L3MBTL4: variants seen among roughly 807,000 people sequenced by gnomAD.
L3MBTL4 encodes the protein lethal(3)malignant brain tumor-like protein 4.
In L3MBTL4, 70 loss-of-function variants were observed where a neutral mutation model predicts 84.5. The ratio of observed to expected loss-of-function variants is 0.83; its 90% CI spans 0.68 to 1.01. The LOEUF (loss-of-function observed/expected upper bound fraction) is 1.01, where lower values mean the gene tolerates loss of function less well. Among genes scored for constraint, L3MBTL4 ranks in the 50% least tolerant of loss-of-function variants. The pLI is 0.00. For synonymous variants in L3MBTL4, 274 were observed against 259.8 expected (o/e 1.05, Z -0.52); for missense variants, 715 against 754.8 (o/e 0.95, Z 0.62).
At chr18:6,259,570 T>C (rs1265289883) in intron 5 of L3MBTL4, 1 of 152,218 alleles carries the variant, frequency 6.6e-6, no homozygotes, top group Non-Finnish European at 1.5e-5. Flanking sequence ...TACTTTTTCT[T>C]CTTTTTTCTT....
chr18:6,042,967 A>G (rs1362086771), intron 16 of L3MBTL4, among the ~76,000 whole-genome samples: 2 of 152,116 alleles, frequency 1.3e-5, no homozygotes, highest in African/African-American at 2.4e-5. Context: ...TTCTCCTGCT[A>G]TCTCCAAATC....
intron 13 of L3MBTL4, among the ~76,000 whole-genome samples, chr18:6,144,785 G>A (rs889152365): frequency 9.2e-5 from 14 of 152,316 alleles, no homozygotes; most frequent in Non-Finnish European, 1.5e-4. Context: ...GCGAAGATGA[G>A]ACTGGTGCTG....
chr18:5,961,494 C>G (rs542551890), intron 17 of L3MBTL4, among the ~76,000 whole-genome samples: 12 of 152,298 alleles, frequency 7.9e-5, no homozygotes, highest in African/African-American at 2.9e-4. Flanking sequence ...ATCAGCATGT[C>G]CATGTCTGCT....
intron 15 of L3MBTL4, among the ~76,000 whole-genome samples, chr18:6,081,763 C>T (rs1194633375): frequency 6.6e-6 from 1 of 152,094 alleles, no homozygotes; most frequent in Non-Finnish European, 1.5e-5. Flanking sequence ...TACCAAAATC[C>T]TACATAGAAA....
In L3MBTL4 at chr18:6,099,601, T is replaced by C. The variant is rs1286107827; in HGVS notation, c.1200-6073A>G. 6.8e-4 allele frequency among the ~76,000 whole-genome samples: 71 copies of C among 104,256 alleles called. 2 individuals carry two copies. Among genetic ancestry groups the C allele is most frequent in the African/African-American group, 2.4e-3 (67 of 27,980 alleles). 68.4% of individuals were successfully genotyped at this position (104,256 alleles called of 152,430 possible). On this transcript the variant is annotated intron_variant, in intron 14 of 18. Transcript: ENST00000317931. ...GATAATGTAAATATATATATATATA[T>C]ATATATGGAGAGAGAGAGAGGAGAT...
rs781460908 is a variant in L3MBTL4, at chr18:6,241,437, T to C, written c.473A>G (p.Asp158Gly). Residue 158 changes from aspartate to glycine, a missense_variant, in exon 8 of 19, where the codon GAT becomes GGT. Asp to Gly is a moderately conservative substitution (Grantham distance 94). Coordinates refer to ENST00000317931, the MANE Select transcript of L3MBTL4 (RefSeq NM_001330559.2). ...ELHIPKGYRKDKFVWMDYLKA... is the reference protein window; with the variant it reads ...ELHIPKGYRKGKFVWMDYLKA... The stretch of plus-strand genomic sequence containing the variant: ...CAAGTAATCCATCCAAACAAATTTA[T>C]CTTTTCTATAACCTAAAAAAAGCAC... 1 of 1,584,682 alleles carries C rather than the reference T, an allele frequency of 6.3e-7. No homozygotes were observed. Among genetic ancestry groups the C allele is most frequent in the Non-Finnish European group, 8.6e-7 (1 of 1,159,556 alleles).
chr18:6,213,141 ATATGTACCTTTAC>A lies in L3MBTL4; in HGVS notation c.976_981+7del, dbSNP rs2046182432. On this transcript the variant is annotated splice_donor_variant and splice_donor_5th_base_variant and coding_sequence_variant and intron_variant, in exon 12 of 19. Transcript: ENST00000317931. LOFTEE classifies it high-confidence loss of function. The stretch of plus-strand genomic sequence containing the variant: ...TGATATAATAACATAATAATTTAAA[ATATGTACCTTTAC>A]TCTTTGGTCATCAACATCTACAATC... 1 of 1,477,826 alleles carries A rather than the reference ATATGTACCTTTAC, an allele frequency of 6.8e-7. No homozygotes were observed. Among genetic ancestry groups the A allele is most frequent in the Non-Finnish European group, 9.3e-7 (1 of 1,079,992 alleles). 91.5% of individuals were successfully genotyped at this position (1,477,826 alleles called of 1,614,324 possible). A position where few individuals can be genotyped will look rare whatever the true frequency, so the allele number is the denominator to read the frequency against.
chr18:6,072,606 C>T (rs995785515), intron 16 of L3MBTL4, among the ~76,000 whole-genome samples: 12 of 150,608 alleles, frequency 8.0e-5, no homozygotes, highest in Admixed American at 6.0e-4. Context: ...TCTGGGAGGC[C>T]GAGGCGGGTG....
At chr18:5,987,418 A>G (rs8099282) in intron 16 of L3MBTL4, among the ~76,000 whole-genome samples, 26,148 of 152,228 alleles carry the variant, frequency 0.17, 3,482 homozygotes, top group African/African-American at 0.36. Context: ...GTGGGAATGT[A>G]CTCGCAAACC....
At chr18:6,089,079 A>C (rs969482269) in intron 15 of L3MBTL4, among the ~76,000 whole-genome samples, 2 of 152,154 alleles carry the variant, frequency 1.3e-5, no homozygotes, top group Non-Finnish European at 2.9e-5. Flanking sequence ...TGGGAGGCAA[A>C]GGAAGTTATT....
intron 1 of L3MBTL4, among the ~76,000 whole-genome samples, chr18:6,371,414 G>A (rs772446202): frequency 4.6e-5 from 7 of 152,166 alleles, no homozygotes; most frequent in African/African-American, 1.4e-4. Context: ...GAGACCCTGC[G>A]GGGAGAGCCT....
chr18:6,134,243 C>G (rs978283612), intron 14 of L3MBTL4, among the ~76,000 whole-genome samples: 1 of 152,082 alleles, frequency 6.6e-6, no homozygotes, highest in Non-Finnish European at 1.5e-5. Flanking sequence ...AATTACTTCC[C>G]CCTGGGTCCT....
chr18:6,258,322 T>C (rs2048244060), intron 5 of L3MBTL4, among the ~76,000 whole-genome samples: 1 of 152,202 alleles, frequency 6.6e-6, no homozygotes, highest in Non-Finnish European at 1.5e-5. Context: ...GCCACAGCTA[T>C]CTGCAAGGCC....
rs550412864 is a variant in L3MBTL4, at chr18:6,366,984, G to A, written c.-91+47817C>T. ...GTGCCTGGCAGTGACCTGACTCACC[G>A]AACCCAAGCAGGGCACAAAACACAA... On this transcript the variant is annotated intron_variant, in intron 1 of 18. Coordinates refer to ENST00000317931, the MANE Select transcript of L3MBTL4 (RefSeq NM_001330559.2). Among the ~76,000 whole-genome samples, 14 of 152,314 alleles carry A rather than the reference G, an allele frequency of 9.2e-5. 1 individual carries two copies. In the South Asian group the frequency reaches 2.3e-3, roughly 25 times the overall value.
intron 14 of L3MBTL4, among the ~76,000 whole-genome samples, chr18:6,099,007 G>A (rs2058727005): frequency 6.6e-6 from 1 of 152,152 alleles, no homozygotes; most frequent in Non-Finnish European, 1.5e-5. Context: ...GCTCAGCGAT[G>A]GAAATGAGAA....
At chr18:6,154,890 G>A (rs976168771) in intron 13 of L3MBTL4, among the ~76,000 whole-genome samples, 2 of 152,100 alleles carry the variant, frequency 1.3e-5, no homozygotes, top group Non-Finnish European at 2.9e-5. Context: ...CTTTTCTAAT[G>A]ACCTCCATTA....
intron 14 of L3MBTL4, among the ~76,000 whole-genome samples, chr18:6,119,954 G>A (rs950041279): frequency 6.6e-6 from 1 of 152,150 alleles, no homozygotes; most frequent in African/African-American, 2.4e-5. Context: ...GAAAAGCGAG[G>A]TCTCCTAATT....
chr18:6,021,030 G>T lies in L3MBTL4; in HGVS notation c.1445-51468C>A, dbSNP rs7226439. ...AAAGGAATCTGAGAAAGAAGGAAAGGCCAGATGGGAGAAAATTGAGTCTAG... is the reference window on the plus strand; with the variant it reads ...AAAGGAATCTGAGAAAGAAGGAAAGTCCAGATGGGAGAAAATTGAGTCTAG... On this transcript the variant is annotated intron_variant, in intron 16 of 18. Transcript: ENST00000317931. Among the ~76,000 whole-genome samples, 916 of 152,308 alleles carry T rather than the reference G, an allele frequency of 6.0e-3. 13 individuals are homozygous for T. Among genetic ancestry groups the T allele is most frequent in the African/African-American group, 0.021 (881 of 41,558 alleles).
At chr18:5,988,232 G>A (rs1362985594) in intron 16 of L3MBTL4, among the ~76,000 whole-genome samples, 1 of 152,170 alleles carries the variant, frequency 6.6e-6, no homozygotes, top group Non-Finnish European at 1.5e-5. Flanking sequence ...GTCATTCTTA[G>A]ATGAATACTT....
Sources: allele counts gnomAD v4.1 joint callset (sites outside exome capture counted in the v4.1 genomes callset), GRCh38; gene constraint gnomAD v4.1.1; transcripts MANE v1.5; gene names NCBI Gene and HGNC (gene_info 2026-07-23, HGNC 2026-07-21).